The following PLD5 variants were observed in gnomAD, a reference collection of about 807,000 sequenced individuals.
PLD5 encodes phospholipase D family member 5.
A neutral mutation model predicts 61.1 loss-of-function variants in PLD5; 36 were observed. The ratio of observed to expected loss-of-function variants is 0.59; its 90% CI spans 0.45 to 0.78. PLD5 has a LOEUF of 0.78. PLD5 is among the 30% of genes least tolerant of loss of function. PLD5 has a pLI of 0.00. For missense variants in PLD5, 515 were observed against 644.4 expected, an observed-to-expected ratio of 0.80 and a Z score of 2.17; for synonymous variants, 243 against 242.8, an observed-to-expected ratio of 1.00 and a Z score of -0.01.
chr1:242,475,376 T>C (rs1186600181), intron 1 of PLD5, among the ~76,000 whole-genome samples: 3 of 141,686 alleles, frequency 2.1e-5, no homozygotes, highest in Admixed American at 7.0e-5. Flanking sequence ...TGAGCCGAGA[T>C]TGCGCCACTG....
intron 8 of PLD5, among the ~76,000 whole-genome samples, chr1:242,107,380 C>G (rs1258705775): frequency 6.6e-6 from 1 of 151,704 alleles, no homozygotes; most frequent in Non-Finnish European, 1.5e-5. Flanking sequence ...CTACTGCACT[C>G]CAGCCTGGGT....
intron 1 of PLD5, among the ~76,000 whole-genome samples, chr1:242,412,253 C>T (rs575720553): frequency 6.6e-6 from 1 of 152,340 alleles, no homozygotes; most frequent in African/African-American, 2.4e-5. Flanking sequence ...TGTCCCACCT[C>T]CCATCCCATC....
chr1:242,378,577 G>A (rs1335382829), intron 1 of PLD5, among the ~76,000 whole-genome samples: 1 of 152,058 alleles, frequency 6.6e-6, no homozygotes, highest in Admixed American at 6.6e-5. Flanking sequence ...ATGGTGGCTT[G>A]CACCTGTAAT....
chr1:242,426,299 C>T (rs1471604578), intron 1 of PLD5, among the ~76,000 whole-genome samples: 10 of 130,238 alleles, frequency 7.7e-5, no homozygotes, highest in Non-Finnish European at 1.4e-4. Context: ...TGCCTGAGAC[C>T]GTTTCCAGTT....
chr1:242,282,247 G>C (rs1214278364), intron 3 of PLD5, among the ~76,000 whole-genome samples: 1 of 152,170 alleles, frequency 6.6e-6, no homozygotes, highest in African/African-American at 2.4e-5. Flanking sequence ...TTATCGCCCT[G>C]ATTTTGCTAT....
At position 242,265,306 on chromosome 1, in the gene PLD5, C is replaced by T. The variant is rs373808643; in HGVS notation, c.607+31G>A. 1.2e-4 allele frequency: 191 copies of T among 1,590,680 alleles called. 1 individual carries two copies. In the African/African-American group the frequency reaches 2.0e-3, roughly 17 times the overall value. Reference sequence around the variant, plus strand: ...AAAGGTATCTTAACAGAACACCCAGCGGTAGAATAGCATATCAACCTTGGT... The same window carrying T: ...AAAGGTATCTTAACAGAACACCCAGTGGTAGAATAGCATATCAACCTTGGT... On this transcript the variant is annotated intron_variant, in intron 4 of 9. Coordinates refer to ENST00000536534, the MANE Select transcript of PLD5 (RefSeq NM_001372062.1).
chr1:242,269,956 C>G (rs564465050), intron 3 of PLD5, among the ~76,000 whole-genome samples: 5 of 152,102 alleles, frequency 3.3e-5, no homozygotes, highest in Non-Finnish European at 7.3e-5. Flanking sequence ...CCTTTCAATT[C>G]CAAAAGACTG....
At position 242,524,083 on chromosome 1, in the gene PLD5, C is replaced by G; in HGVS notation, c.189+5G>C. On this transcript the variant is annotated splice_donor_5th_base_variant and intron_variant, in intron 1 of 9. Transcript: ENST00000536534. ...CCGAGGCCCCCGGGAGCGAGTCGCCCTTACGTGCTCCAGCTTGTCTTTCCT... is the reference window on the plus strand; with the variant it reads ...CCGAGGCCCCCGGGAGCGAGTCGCCGTTACGTGCTCCAGCTTGTCTTTCCT... 1 of 1,533,676 alleles carries G rather than the reference C, an allele frequency of 6.5e-7. No homozygotes were observed. The highest frequency in any genetic ancestry group is 1.2e-5 in the South Asian group (1 of 84,008).
chr1:242,181,949 T>C (rs1400427675), intron 5 of PLD5, among the ~76,000 whole-genome samples: 1 of 152,190 alleles, frequency 6.6e-6, no homozygotes, highest in Non-Finnish European at 1.5e-5. Context: ...TCTTCAGTGG[T>C]CCTTCACTGT....
At chr1:242,444,616 C>A (rs200529170) in intron 1 of PLD5, among the ~76,000 whole-genome samples, 3 of 5,888 alleles carry the variant, frequency 5.1e-4, no homozygotes, top group Admixed American at 4.9e-3. Context: ...CTACTTTATA[C>A]AAATAATATA....
At chr1:242,138,927 G>T (rs562784751) in intron 5 of PLD5, among the ~76,000 whole-genome samples, 1 of 152,254 alleles carries the variant, frequency 6.6e-6, no homozygotes, top group Non-Finnish European at 1.5e-5. Context: ...AGCAAAGTTT[G>T]GTCTCCCTAT....
intron 1 of PLD5, among the ~76,000 whole-genome samples, chr1:242,423,958 C>T (rs1323696329): frequency 1.3e-5 from 2 of 151,798 alleles, no homozygotes; most frequent in African/African-American, 4.8e-5. Flanking sequence ...TTTACCTATT[C>T]CTTCCTCAGA....
At chr1:242,233,535 AAGAG>A (rs138304569) in intron 4 of PLD5, among the ~76,000 whole-genome samples, 1 of 151,084 alleles carries the variant, frequency 6.6e-6, no homozygotes, top group African/African-American at 2.4e-5. Context: ...AGGCTAAAGG[AAGAG>A]AGAGAGAGAG....
chr1:242,125,024 C>T (rs764944923), intron 5 of PLD5, among the ~76,000 whole-genome samples: 2 of 152,010 alleles, frequency 1.3e-5, no homozygotes. Flanking sequence ...GCAACATAAC[C>T]GAATGGCTGG....
chr1:242,163,259 T>C (rs1038416840), intron 5 of PLD5, among the ~76,000 whole-genome samples: 2 of 151,128 alleles, frequency 1.3e-5, no homozygotes, highest in African/African-American at 4.9e-5. Context: ...TTCTCCTGCC[T>C]CAGCCTCCCG....
At chr1:242,431,917 C>T (rs1201338285) in intron 1 of PLD5, among the ~76,000 whole-genome samples, 29 of 152,136 alleles carry the variant, frequency 1.9e-4, no homozygotes, top group Admixed American at 1.9e-3. Flanking sequence ...CCTAATCCTA[C>T]CGTAAGAGGT....
chr1:242,322,687 G>C (rs1334768856), intron 2 of PLD5, among the ~76,000 whole-genome samples: 2 of 152,124 alleles, frequency 1.3e-5, no homozygotes, highest in Non-Finnish European at 2.9e-5. Context: ...TAGTTTAAAA[G>C]TGTTATTTAT....
At chr1:242,327,019 G>A (rs374954682) in intron 2 of PLD5, among the ~76,000 whole-genome samples, 1 of 151,978 alleles carries the variant, frequency 6.6e-6, no homozygotes, top group Non-Finnish European at 1.5e-5. Flanking sequence ...GTGCACACCA[G>A]CATGCCTGGC....
At chr1:242,100,871 C>T (rs1181003432) in intron 8 of PLD5, 89 bp from the exon 9 acceptor site, 1 of 803,448 alleles carries the variant, frequency 1.2e-6, no homozygotes, top group East Asian at 2.6e-5. Flanking sequence ...ATCCAAATGT[C>T]AACAATAGAC....
Sources: allele counts gnomAD v4.1 joint callset (sites outside exome capture counted in the v4.1 genomes callset), GRCh38; gene constraint gnomAD v4.1.1; transcripts MANE v1.5; gene names NCBI Gene and HGNC (gene_info 2026-07-23, HGNC 2026-07-21).